Variants in KCNB2 observed in about 807,000 individuals in gnomAD.
KCNB2 encodes delayed rectifier potassium channel protein.
A neutral mutation model predicts 61.5 loss-of-function variants in KCNB2; 15 were observed. The ratio of observed to expected loss-of-function variants is 0.24; its 90% CI spans 0.16 to 0.38. The LOEUF is 0.38. Ranked by LOEUF, KCNB2 falls within the 10% of genes least tolerant of loss-of-function variation. The pLI is 1.00. For synonymous variants in KCNB2, 457 were observed against 446.0 expected (o/e 1.02, Z -0.31); for missense variants, 828 against 1,125.2 (o/e 0.74, Z 3.78).
At chr8:72,603,571 G>A (rs901012290) in intron 2 of KCNB2, among the ~76,000 whole-genome samples, 20 of 152,278 alleles carry the variant, frequency 1.3e-4, no homozygotes, top group African/African-American at 4.8e-4. Context: ...TTTCTTGTGT[G>A]TCAGCGATGC....
At chr8:72,746,696 G>A (rs903714136) in intron 2 of KCNB2, among the ~76,000 whole-genome samples, 3 of 152,100 alleles carry the variant, frequency 2.0e-5, no homozygotes, top group Non-Finnish European at 2.9e-5. Flanking sequence ...CTCTTTGAAC[G>A]GCTGCAATAT....
At chr8:72,718,572 C>A (rs1318529482) in intron 2 of KCNB2, among the ~76,000 whole-genome samples, 2 of 151,082 alleles carry the variant, frequency 1.3e-5, no homozygotes, top group Non-Finnish European at 2.9e-5. Context: ...GGACAAAAAA[C>A]CAAACACCGC....
In KCNB2 at chr8:72,937,260, C is replaced by A. The variant is rs767138837; in HGVS notation, c.1905C>A (p.Thr635=). The A allele has an allele frequency of 1.2e-6, 2 of 1,614,022 alleles. No individual in the cohort carries two copies. Among genetic ancestry groups the A allele is most frequent in the Non-Finnish European group, 1.7e-6 (2 of 1,180,012 alleles). ...CTCACTTGCAGATGAAGTTCCCAAC[C>A]GACCTCCCAGGGACAGAAGAGCACC... is the stretch of plus-strand genomic sequence containing the variant. ...SASHLQMKFP[T]DLPGTEEHQR... is the part of the protein sequence containing the mutation. Residue 635 remains threonine, a synonymous_variant, in exon 3 of 3, where the codon ACC becomes ACA. Transcript: ENST00000523207.
intron 2 of KCNB2, among the ~76,000 whole-genome samples, chr8:72,753,403 G>A (rs1009464088): frequency 1.1e-4 from 16 of 152,188 alleles, no homozygotes; most frequent in African/African-American, 3.9e-4. Context: ...TGGCAATATA[G>A]TAGTGAATCA....
chr8:72,837,853 T>C (rs1809807431), intron 2 of KCNB2, among the ~76,000 whole-genome samples: 1 of 152,160 alleles, frequency 6.6e-6, no homozygotes, highest in Non-Finnish European at 1.5e-5. Flanking sequence ...AATTATTTAC[T>C]AACTAATTTA....
At chr8:72,749,768 G>T (rs1808155065) in intron 2 of KCNB2, among the ~76,000 whole-genome samples, 2 of 142,398 alleles carry the variant, frequency 1.4e-5, no homozygotes, top group African/African-American at 5.2e-5. Flanking sequence ...ATATATATTT[G>T]TATATATACA....
Position 72,937,422 on chromosome 8 carries a change from T to C in KCNB2, c.2067T>C (p.Ser689=). The C allele has an allele frequency of 6.2e-7, 1 of 1,613,856 alleles. No individual in the cohort carries two copies. Reference sequence around the variant, plus strand: ...GTGGCTCCCAGTGTGGGCTACATAGTCCTTTGCAGTCTGACAATGCCACCG... The same window carrying C: ...GTGGCTCCCAGTGTGGGCTACATAGCCCTTTGCAGTCTGACAATGCCACCG... The part of the protein sequence containing the change: ...DASGSQCGLH[S]PLQSDNATDS... Residue 689 remains serine, a synonymous_variant, in exon 3 of 3, where the codon AGT becomes AGC. Coordinates refer to ENST00000523207, the MANE Select transcript of KCNB2 (RefSeq NM_004770.3).
At chr8:72,551,213 T>C (rs1806339827) in intron 1 of KCNB2, among the ~76,000 whole-genome samples, 1 of 152,148 alleles carries the variant, frequency 6.6e-6, no homozygotes, top group Admixed American at 6.5e-5. Flanking sequence ...TTGCCCTTTT[T>C]TGTTGTTGTT....
chr8:72,574,507 G>A (rs1806765612), intron 2 of KCNB2, among the ~76,000 whole-genome samples: 1 of 152,162 alleles, frequency 6.6e-6, no homozygotes, highest in South Asian at 2.1e-4. Context: ...TTTTGAAAAA[G>A]TAAATTACCC....
Position 72,725,571 on chromosome 8 carries a change from A to ATATATATATG in KCNB2, c.579+157261_579+157262insATATATGTAT, listed in dbSNP as rs1554587059. 2.3e-4 allele frequency among the ~76,000 whole-genome samples: 21 copies of ATATATATATG among 91,396 alleles called. 1 individual carries two copies. Among genetic ancestry groups the ATATATATATG allele is most frequent in the African/African-American group, 1.1e-3 (21 of 18,856 alleles). 60.0% of individuals were successfully genotyped at this position (91,396 alleles called of 152,430 possible). On this transcript the variant is annotated intron_variant, in intron 2 of 2. Coordinates refer to ENST00000523207, the MANE Select transcript of KCNB2 (RefSeq NM_004770.3). ...TATATATATATGTATATATGTATAT[A>ATATATATATG]TATGTATATATATATGTATGTATAT...
At chr8:72,857,659 GAGA>G (rs1810227840) in intron 2 of KCNB2, among the ~76,000 whole-genome samples, 1 of 151,994 alleles carries the variant, frequency 6.6e-6, no homozygotes, top group African/African-American at 2.4e-5. Context: ...GACAAGAGTG[GAGA>G]AGAAGAATGA....
At chr8:72,928,997 C>G (rs1379240971) in intron 2 of KCNB2, among the ~76,000 whole-genome samples, 1 of 152,100 alleles carries the variant, frequency 6.6e-6, no homozygotes, top group Admixed American at 6.5e-5. Flanking sequence ...AAACACATCT[C>G]CAGCATTTCT....
chr8:72,650,295 C>A (rs1036612430), intron 2 of KCNB2, among the ~76,000 whole-genome samples: 3 of 152,130 alleles, frequency 2.0e-5, no homozygotes, highest in Non-Finnish European at 4.4e-5. Context: ...GAATTTCCAG[C>A]CTGGGACTTT....
rs1806963237 is a variant in KCNB2, at chr8:72,937,897, G to A, written c.2542G>A (p.Glu848Lys). 10 of 1,614,038 alleles carry A rather than the reference G, an allele frequency of 6.2e-6. No individual in the cohort carries two copies. Among genetic ancestry groups the A allele is most frequent in the African/African-American group, 1.3e-5 (1 of 74,938 alleles). ...PSDGRDPLRE[E>K]GSVGSSSPQD... is the part of the protein sequence containing the mutation. ...TGATGGGAGAGACCCTTTAAGAGAA[G>A]AGGGCAGTGTGGGCTCTTCCTCCCC... Residue 848 changes from glutamate (E) to lysine (K), a missense_variant, in exon 3 of 3, where the codon GAG becomes AAG. Physicochemically the swap from Glu to Lys is moderately conservative, Grantham distance 56. Coordinates refer to ENST00000523207, the MANE Select transcript of KCNB2 (RefSeq NM_004770.3).
intron 2 of KCNB2, among the ~76,000 whole-genome samples, chr8:72,575,773 A>G (rs447393): frequency 0.17 from 26,514 of 152,164 alleles, 2,869 homozygotes; most frequent in African/African-American, 0.29. Flanking sequence ...ATAGAACTAG[A>G]AGAAATGTAT....
intron 2 of KCNB2, among the ~76,000 whole-genome samples, chr8:72,836,199 G>A (rs192467506): frequency 4.6e-5 from 7 of 152,312 alleles, no homozygotes; most frequent in Admixed American, 4.6e-4. Context: ...CTGCAGAGAT[G>A]TTACTCAAAG....
intron 1 of KCNB2, among the ~76,000 whole-genome samples, chr8:72,539,270 A>G (rs1214252324): frequency 6.6e-6 from 1 of 152,238 alleles, no homozygotes; most frequent in East Asian, 1.9e-4. Context: ...ATTTAAGGGC[A>G]TGGATAAAGT....
At chr8:72,732,408 C>G (rs1365564226) in intron 2 of KCNB2, among the ~76,000 whole-genome samples, 3 of 152,238 alleles carry the variant, frequency 2.0e-5, no homozygotes, top group African/African-American at 7.2e-5. Context: ...CCTGACTCTG[C>G]TGCTGAGAGG....
chr8:72,686,945 G>A (rs1391274445), intron 2 of KCNB2, among the ~76,000 whole-genome samples: 1 of 152,132 alleles, frequency 6.6e-6, no homozygotes, highest in Non-Finnish European at 1.5e-5. Context: ...ATGAGGATAG[G>A]CTGTCTCCAC....
Sources: gnomAD v4.1 joint callset for allele counts (sites outside exome capture counted in the v4.1 genomes callset) on GRCh38, gnomAD v4.1.1 for gene constraint, MANE v1.5 for transcripts, NCBI Gene and HGNC (gene_info 2026-07-23, HGNC 2026-07-21) for gene names.